Variants in RHBDL3 observed in about 807,000 individuals in gnomAD.
RHBDL3 encodes rhomboid like 3, also known as rhomboid-related protein 3.
RHBDL3 carries 28 observed loss-of-function variants against 48.2 expected under a neutral mutation model. The ratio of observed to expected loss-of-function variants is 0.58; its 90% confidence interval spans 0.43 to 0.80. RHBDL3 has a LOEUF of 0.80. Among genes scored for constraint, RHBDL3 ranks in the 30% least tolerant of loss-of-function variants. The pLI is 0.00. For missense variants in RHBDL3, 464 were observed against 542.7 expected (o/e 0.85, Z 1.44); for synonymous variants, 208 against 232.3 (o/e 0.90, Z 0.95).
Position 32,314,830 on chromosome 17 carries a change from G to A in RHBDL3, c.883-1402G>A, listed in dbSNP as rs114221100. Among the ~76,000 whole-genome samples the A allele has an allele frequency of 7.9e-3, 1,199 of 152,266 alleles. 18 individuals carry two copies. The highest frequency in any genetic ancestry group is 0.027 in the African/African-American group (1,126 of 41,554). ...GGCACTGACTCCTGTTTTCTTCCTC[G>A]TCTCCTGGCAAGGCTCCTCTGTGGG... is the stretch of plus-strand genomic sequence containing the variant. On this transcript the variant is annotated intron_variant, in intron 7 of 8. Transcript: ENST00000269051.
chr17:32,266,944 C>A (rs1333389697), intron 1 of RHBDL3, among the ~76,000 whole-genome samples: 1 of 152,124 alleles, frequency 6.6e-6, no homozygotes, highest in African/African-American at 2.4e-5. Flanking sequence ...GAGGGAGGGG[C>A]TGCCCCGAGG....
intron 6 of RHBDL3, among the ~76,000 whole-genome samples, chr17:32,301,842 C>T (rs533087208): frequency 7.6e-4 from 116 of 151,880 alleles, no homozygotes; most frequent in Admixed American, 1.0e-3. Flanking sequence ...AGGAAAGATA[C>T]GTAAATAAAG....
chr17:32,316,219 C>G lies in RHBDL3; in HGVS notation c.883-13C>G, dbSNP rs779944201. The G allele has an allele frequency of 3.2e-5, 51 of 1,608,710 alleles. No individual in the cohort carries two copies. The South Asian group carries it at 5.5e-4, about 17-fold the overall frequency. On this transcript the variant is annotated splice_polypyrimidine_tract_variant and intron_variant, in intron 7 of 8. Transcript: ENST00000269051. ...TCTAATCTGGAACTGACTGAGCTCT[C>G]CTTTTTCCCTAGAACTGGTCAGGCA... is the stretch of plus-strand genomic sequence containing the variant.
Position 32,321,414 on chromosome 17 carries a change from C to T in RHBDL3, c.*185C>T, listed in dbSNP as rs995766335. The T allele has an allele frequency of 1.1e-5, 17 of 1,512,362 alleles. No individual in the cohort carries two copies. The highest frequency in any genetic ancestry group is 8.0e-5 in the Admixed American group (4 of 49,924). The allele number at this position is 1,512,362 out of a possible 1,614,324, so 93.7% of individuals were successfully genotyped here. ...AGACCCTTTTCTGAAAGGCATCTGG[C>T]GGAGGAGTTGATGTGGCTGCTGTCG... On this transcript the variant is annotated 3_prime_UTR_variant, in exon 9 of 9. Coordinates refer to ENST00000269051, the MANE Select transcript of RHBDL3 (RefSeq NM_138328.3).
chr17:32,270,168 A>G, intron 2 of RHBDL3, among the ~76,000 whole-genome samples: 1 of 148,140 alleles, frequency 6.8e-6, no homozygotes, highest in Non-Finnish European at 1.5e-5. Context: ...GAAGCAAGCA[A>G]CCCTGATAGA....
At chr17:32,268,345 C>G (rs764690460) in intron 2 of RHBDL3, among the ~76,000 whole-genome samples, 1 of 152,154 alleles carries the variant, frequency 6.6e-6, no homozygotes, top group Admixed American at 6.5e-5. Context: ...CTCTGCCATC[C>G]TTGGGGGCTG....
chr17:32,275,526 C>T (rs144728322), intron 2 of RHBDL3, among the ~76,000 whole-genome samples: 1,743 of 142,266 alleles, frequency 0.012, 45 homozygotes, highest in African/African-American at 0.04. Context: ...CCCCACCCAT[C>T]CCCAGCTGCA....
Position 32,304,210 on chromosome 17 carries a change from C to T in RHBDL3, c.782-1131C>T, listed in dbSNP as rs544542580. On this transcript the variant is annotated intron_variant, in intron 6 of 8. Transcript: ENST00000269051. Reference sequence around the variant, plus strand: ...AGAGGGTATGACATCATCTCTCTCTCTTCCCCATGACTTTTCAAGGACATG... The same window carrying T: ...AGAGGGTATGACATCATCTCTCTCTTTTCCCCATGACTTTTCAAGGACATG... Among the ~76,000 whole-genome samples, 12 of 152,356 alleles carry T rather than the reference C, an allele frequency of 7.9e-5. No individual in the cohort carries two copies. In the South Asian group the frequency reaches 2.5e-3, roughly 32 times the overall value.
chr17:32,280,679 T>C (rs917261243), intron 2 of RHBDL3: 4 of 152,036 alleles, frequency 2.6e-5, no homozygotes, highest in African/African-American at 9.7e-5. Flanking sequence ...TTGCTGTAAA[T>C]GACACAAACC....
chr17:32,290,510 A>G (rs1477655166), intron 4 of RHBDL3, among the ~76,000 whole-genome samples: 1 of 152,178 alleles, frequency 6.6e-6, no homozygotes, highest in Admixed American at 6.5e-5. Context: ...CCCTGGGGCT[A>G]CAATGCCCAA....
intron 7 of RHBDL3, among the ~76,000 whole-genome samples, chr17:32,309,995 C>T (rs2040806373): frequency 6.6e-6 from 1 of 151,764 alleles, no homozygotes; most frequent in Non-Finnish European, 1.5e-5. Context: ...GTGATCCACC[C>T]ACCTCAGCCT....
intron 4 of RHBDL3, among the ~76,000 whole-genome samples, chr17:32,291,979 T>A (rs1168516230): frequency 1.3e-5 from 2 of 151,886 alleles, no homozygotes; most frequent in African/African-American, 4.8e-5. Flanking sequence ...ACCACATTGG[T>A]CAGTCTGGTC....
chr17:32,300,803 G>A (rs2040564533), intron 6 of RHBDL3, among the ~76,000 whole-genome samples: 1 of 151,976 alleles, frequency 6.6e-6, no homozygotes, highest in Non-Finnish European at 1.5e-5. Flanking sequence ...CCAGGGAGGT[G>A]AAATGACTTG....
intron 6 of RHBDL3, 76 bp downstream of exon 6, chr17:32,298,280 G>A (rs1291772760): frequency 1.1e-6 from 1 of 941,614 alleles, no homozygotes; most frequent in Non-Finnish European, 1.7e-6. Context: ...GGCGGGGCAA[G>A]CCCCAGGTTT....
rs1216121085 is a variant in RHBDL3 at position 32,294,314 on chromosome 17, T to C, written c.540T>C (p.Asn180=). The C allele has an allele frequency of 6.2e-7, 1 of 1,613,908 alleles. No individual in the cohort carries two copies. Among genetic ancestry groups the C allele is most frequent in the Non-Finnish European group, 8.5e-7 (1 of 1,179,968 alleles). The change falls in exon 5 of 9, where the codon AAT becomes AAC. Residue 180 remains asparagine (N), a synonymous_variant. Coordinates refer to ENST00000269051, the MANE Select transcript of RHBDL3 (RefSeq NM_138328.3). ...TCCAGGTTGCCTTTTTCCTCTACAA[T>C]GGGGTGTCACTAGGTCAATTTGTAC... ...TLLEVAFFLY[N]GVSLGQFVLQ... is the part of the protein sequence containing the mutation.
At chr17:32,291,035 A>G (rs925143326) in intron 4 of RHBDL3, among the ~76,000 whole-genome samples, 4 of 150,690 alleles carry the variant, frequency 2.7e-5, no homozygotes, top group African/African-American at 9.8e-5. Context: ...AAAGAAATAC[A>G]AGAATTTGGG....
At position 32,271,544 on chromosome 17, in the gene RHBDL3, C is replaced by T. The variant is rs1039400584; in HGVS notation, c.135+3619C>T. On this transcript the variant is annotated intron_variant, in intron 2 of 8. Coordinates refer to ENST00000269051, the MANE Select transcript of RHBDL3 (RefSeq NM_138328.3). ...AAATATTTAGTCAAAGGCCAAATAG[C>T]GGGGCAGTGACAGATATGGGACCAG... Among the ~76,000 whole-genome samples, 8 of 152,218 alleles carry T rather than the reference C, an allele frequency of 5.3e-5. No individual in the cohort carries two copies. In the South Asian group the frequency reaches 1.2e-3, roughly 24 times the overall value.
chr17:32,312,529 G>A (rs2040868270), intron 7 of RHBDL3, among the ~76,000 whole-genome samples: 1 of 152,078 alleles, frequency 6.6e-6, no homozygotes, highest in Non-Finnish European at 1.5e-5. Context: ...TTGTTTTGTT[G>A]TTGTTTTGAG....
chr17:32,310,519 C>T (rs1405890685), intron 7 of RHBDL3, among the ~76,000 whole-genome samples: 2 of 151,998 alleles, frequency 1.3e-5, no homozygotes, highest in Non-Finnish European at 2.9e-5. Flanking sequence ...TCGAGACCAG[C>T]CTGGCCAATA....
Sources: gnomAD v4.1 joint callset for allele counts (sites outside exome capture counted in the v4.1 genomes callset) on GRCh38, gnomAD v4.1.1 for gene constraint, MANE v1.5 for transcripts, NCBI Gene and HGNC (gene_info 2026-07-23, HGNC 2026-07-21) for gene names.